Variants in PUS7L observed in about 807,000 individuals in gnomAD.
PUS7L encodes pseudouridine synthase 7 like.
Under a neutral mutation model 51.1 loss-of-function variants are expected in PUS7L, and 49 were observed. The ratio of observed to expected loss-of-function variants is 0.96; its 90% CI spans 0.76 to 1.22. The LOEUF (loss-of-function observed/expected upper bound fraction) is 1.22, where lower values mean the gene tolerates loss of function less well. PUS7L is among the 50% of genes most tolerant of loss of function. PUS7L has a pLI of 0.00. For missense variants in PUS7L, 828 were observed against 820.6 expected (o/e 1.01, Z -0.11); for synonymous variants, 277 against 276.2 (o/e 1.00, Z -0.03).
At chr12:43,744,072 T>G (rs1306753888) in intron 4 of PUS7L, among the ~76,000 whole-genome samples, 1 of 152,234 alleles carries the variant, frequency 6.6e-6, no homozygotes, top group East Asian at 1.9e-4. Context: ...AATAGGCAGC[T>G]GTATGTTCAT....
intron 3 of PUS7L, among the ~76,000 whole-genome samples, chr12:43,746,649 T>A (rs1661562690): frequency 6.6e-6 from 1 of 152,202 alleles, no homozygotes; most frequent in Non-Finnish European, 1.5e-5. Flanking sequence ...CTCTGACCAC[T>A]TCCTTACTCA....
chr12:43,730,817 TA>T lies in PUS7L; in HGVS notation c.1780-116del, dbSNP rs565639851. On this transcript the variant is annotated intron_variant, in intron 8 of 8. Transcript: ENST00000344862. The stretch of plus-strand genomic sequence containing the variant: ...GATTTGTAAAAATAGTCTCAGAATA[TA>T]AACACCACAATCAGCCTAAAACATG... 330 of 658,716 alleles carry T rather than the reference TA, an allele frequency of 5.0e-4. 2 individuals are homozygous for T. The highest frequency in any genetic ancestry group is 4.4e-3 in the African/African-American group (243 of 54,996). 40.8% of individuals were successfully genotyped at this position (658,716 alleles called of 1,614,324 possible).
chr12:43,748,322 T>A (rs1221322060), intron 3 of PUS7L, 128 bp downstream of exon 3: 8 of 555,060 alleles, frequency 1.4e-5, no homozygotes, highest in Non-Finnish European at 2.4e-5. Flanking sequence ...AAAACATGAT[T>A]TATGAGACAC....
intron 3 of PUS7L, 81 bp downstream of exon 3, chr12:43,748,368 AG>A: frequency 2.1e-6 from 2 of 962,662 alleles, no homozygotes; most frequent in Non-Finnish European, 3.1e-6. Context: ...AATGCAGTAC[AG>A]GATGTTTAGA....
intron 7 of PUS7L, among the ~76,000 whole-genome samples, chr12:43,733,284 T>C (rs558227552): frequency 1.3e-5 from 2 of 152,252 alleles, no homozygotes; most frequent in East Asian, 1.9e-4. Context: ...TAATTTTTAA[T>C]TGTAGATGCA....
intron 7 of PUS7L, among the ~76,000 whole-genome samples, chr12:43,735,881 A>T (rs1385525710): frequency 2.6e-5 from 4 of 151,982 alleles, no homozygotes; most frequent in African/African-American, 9.7e-5. Flanking sequence ...GGTTCAAGAG[A>T]TTCTCCTGCC....
intron 2 of PUS7L, among the ~76,000 whole-genome samples, chr12:43,753,132 G>A (rs962601967): frequency 5.0e-4 from 76 of 152,058 alleles, no homozygotes; most frequent in Non-Finnish European, 1.0e-4. Context: ...TACAAGTAAA[G>A]CTAGTATTGT....
rs902552890 is a variant in PUS7L, at chr12:43,728,509, A to G, written c.*1867T>C. ...ATATAAAATAAAACATTTTTTCTAAATTTTTTTTACTACCTAATAGAGGAT... is the reference window on the plus strand; with the variant it reads ...ATATAAAATAAAACATTTTTTCTAAGTTTTTTTTACTACCTAATAGAGGAT... On this transcript the variant is annotated 3_prime_UTR_variant, in exon 9 of 9. Coordinates refer to ENST00000344862, the MANE Select transcript of PUS7L (RefSeq NM_031292.5). 6.6e-6 allele frequency: 1 copy of G among 151,898 alleles called. No individual in the cohort carries two copies. The highest frequency in any genetic ancestry group is 6.6e-5 in the Admixed American group (1 of 15,238). 9.4% of individuals were successfully genotyped at this position (151,898 alleles called of 1,614,324 possible).
At position 43,758,667 on chromosome 12, in the gene PUS7L, A is replaced by T. The variant is rs11182253; in HGVS notation, c.-17+63T>A. Reference sequence around the variant, plus strand: ...GCCAACCTCGTCACCCCCCCCCCCCACACACACACACACACACACACATAC... The same window carrying T: ...GCCAACCTCGTCACCCCCCCCCCCCTCACACACACACACACACACACATAC... On this transcript the variant is annotated intron_variant, in intron 1 of 8. Coordinates refer to ENST00000344862, the MANE Select transcript of PUS7L (RefSeq NM_031292.5). 2.3e-3 allele frequency: 963 copies of T among 424,264 alleles called. 29 individuals carry two copies. Among genetic ancestry groups the T allele is most frequent in the Non-Finnish European group, 2.5e-3 (940 of 381,946 alleles). The allele number at this position is 424,264 out of a possible 1,614,324, so 26.3% of individuals were successfully genotyped here.
At chr12:43,731,852 G>A (rs570643694) in intron 7 of PUS7L, 94 bp from the exon 8 acceptor site, 20 of 723,052 alleles carry the variant, frequency 2.8e-5, no homozygotes, top group African/African-American at 1.8e-5. Context: ...ATATAAATCA[G>A]TTCCTATGCT....
chr12:43,723,793 T>C lies in PUS7L; in HGVS notation c.*6583A>G, dbSNP rs1408335748. ...AGATTAAAACAGTACTATAAGAGAA[T>C]CTTTCTGAAACTAGAAAGCAAAATC... On this transcript the variant is annotated 3_prime_UTR_variant, in exon 9 of 9. Coordinates refer to ENST00000344862, the MANE Select transcript of PUS7L (RefSeq NM_031292.5). The C allele has an allele frequency of 6.6e-6, 1 of 152,080 alleles. No individual in the cohort carries two copies. The highest frequency in any genetic ancestry group is 1.5e-5 in the Non-Finnish European group (1 of 67,946). 9.4% of individuals were successfully genotyped at this position (152,080 alleles called of 1,614,324 possible). A position where few individuals can be genotyped will look rare whatever the true frequency, so the allele number is the denominator to read the frequency against.
intron 3 of PUS7L, 139 bp downstream of exon 3, chr12:43,748,311 G>A: frequency 1.9e-6 from 1 of 521,284 alleles, no homozygotes; most frequent in Non-Finnish European, 3.3e-6. Context: ...AATTAATTAG[G>A]AAAACATGAT....
rs185518415 is a variant in PUS7L at position 43,723,173 on chromosome 12, T to C, written c.*7203A>G. 1 of 152,280 alleles carries C rather than the reference T, an allele frequency of 6.6e-6. No homozygotes were observed. Among genetic ancestry groups the C allele is most frequent in the African/African-American group, 2.4e-5 (1 of 41,578 alleles). 9.4% of individuals were successfully genotyped at this position (152,280 alleles called of 1,614,324 possible). On this transcript the variant is annotated 3_prime_UTR_variant, in exon 9 of 9. Coordinates refer to ENST00000344862, the MANE Select transcript of PUS7L (RefSeq NM_031292.5). ...AGTAAAATTTTTCTTTTGTAAGAGA[T>C]GGCCTATGTACACAGGCAGAGTAAA...
intron 1 of PUS7L, among the ~76,000 whole-genome samples, chr12:43,757,514 A>G (rs1445825818): frequency 2.0e-5 from 3 of 152,202 alleles, no homozygotes; most frequent in African/African-American, 2.4e-5. Flanking sequence ...TCTGCATAGC[A>G]GTTCTAGGTA....
chr12:43,730,633 T>C lies in PUS7L; in HGVS notation c.1849A>G (p.Ile617Val). Residue 617 changes from isoleucine to valine, a missense_variant, in exon 9 of 9, where the codon ATA becomes GTA. Ile to Val is a conservative substitution (Grantham distance 29). Coordinates refer to ENST00000344862, the MANE Select transcript of PUS7L (RefSeq NM_031292.5). ...GTCTGTAGTCCATCTCTGCTAAGTA[T>C]GTCATGGTACCACTGCCCTACTTTG... ...KNKVGQWYHD[I>V]LSRDGLQTCR... 2 of 1,613,720 alleles carry C rather than the reference T, an allele frequency of 1.2e-6. No individual in the cohort carries two copies. Among genetic ancestry groups the C allele is most frequent in the Non-Finnish European group, 1.7e-6 (2 of 1,179,696 alleles).
At position 43,729,378 on chromosome 12, in the gene PUS7L, T is replaced by C. The variant is rs552097009; in HGVS notation, c.*998A>G. On this transcript the variant is annotated 3_prime_UTR_variant, in exon 9 of 9. Coordinates refer to ENST00000344862, the MANE Select transcript of PUS7L (RefSeq NM_031292.5). ...CTTTTTAAATTTCATCATTATATCT[T>C]ACCAACAATGAAAGAAATGCTCAGA... The C allele has an allele frequency of 1.0e-5, 4 of 386,808 alleles. No individual in the cohort carries two copies. The highest frequency in any genetic ancestry group is 2.9e-4 in the South Asian group (2 of 6,936). 24.0% of individuals were successfully genotyped at this position (386,808 alleles called of 1,614,324 possible).
chr12:43,752,643 A>ATGT (rs1420712487), intron 2 of PUS7L, among the ~76,000 whole-genome samples: 1 of 152,188 alleles, frequency 6.6e-6, no homozygotes, highest in Non-Finnish European at 1.5e-5. Flanking sequence ...AAAGACAAAT[A>ATGT]CTGTATGATT....
chr12:43,738,274 T>A, intron 6 of PUS7L, 36 bp downstream of exon 6: 1 of 1,036,192 alleles, frequency 9.7e-7, no homozygotes, highest in Non-Finnish European at 1.5e-6. Flanking sequence ...TATCTGTATC[T>A]GCATGGTTAT....
rs1450894084 is a variant in PUS7L, at chr12:43,729,014, G to A, written c.*1362C>T. The A allele has an allele frequency of 2.7e-6, 1 of 372,002 alleles. No homozygotes were observed. The highest frequency in any genetic ancestry group is 4.8e-6 in the Non-Finnish European group (1 of 208,658). The allele number at this position is 372,002 out of a possible 1,614,324, so 23.0% of individuals were successfully genotyped here. ...GCTAACATGTCTCTTATTTGTGAAA[G>A]ATGAATTCAGAGTATTATTGCAGTT... On this transcript the variant is annotated 3_prime_UTR_variant, in exon 9 of 9. Transcript: ENST00000344862.
Sources: allele counts gnomAD v4.1 joint callset (sites outside exome capture counted in the v4.1 genomes callset), GRCh38; gene constraint gnomAD v4.1.1; transcripts MANE v1.5; gene names NCBI Gene and HGNC (gene_info 2026-07-23, HGNC 2026-07-21).